CHST9: variants seen among roughly 807,000 people sequenced by gnomAD.
CHST9 encodes the protein GalNAc-4-sulfotransferase 2.
CHST9 carries 41 observed loss-of-function variants against 44.4 expected under a neutral mutation model. The ratio of observed to expected loss-of-function variants is 0.92; its 90% CI spans 0.72 to 1.20. CHST9 has a LOEUF of 1.20. Among genes scored for constraint, CHST9 ranks in the 50% most tolerant of loss-of-function variants. CHST9 has a pLI of 0.00. For synonymous variants in CHST9, 171 were observed against 178.4 expected, an observed-to-expected ratio of 0.96 and a Z score of 0.33; for missense variants, 504 against 516.5, an observed-to-expected ratio of 0.98 and a Z score of 0.23.
At chr18:27,002,199 A>C (rs1051044060) in intron 4 of CHST9, among the ~76,000 whole-genome samples, 2 of 151,732 alleles carry the variant, frequency 1.3e-5, no homozygotes, top group Non-Finnish European at 2.9e-5. Flanking sequence ...AAACTGCAGA[A>C]TCCTACCTGG....
intron 2 of CHST9, among the ~76,000 whole-genome samples, chr18:27,068,446 CA>C (rs1247513400): frequency 6.6e-6 from 1 of 152,056 alleles, no homozygotes; most frequent in East Asian, 1.9e-4. Context: ...GATCTCCCTT[CA>C]AATAATTCAT....
chr18:26,908,754 TAGAA>T lies in CHST9; in HGVS notation c.*7501_*7504del, dbSNP rs2055402166. On this transcript the variant is annotated 3_prime_UTR_variant, in exon 6 of 6. Transcript: ENST00000618847. ...GGCAATGTCATATGGTTCAACCTAATAGAAAGGCAAAAAGAGACAAATCCTTTAA... is the reference window on the plus strand; with the variant it reads ...GGCAATGTCATATGGTTCAACCTAATAGGCAAAAAGAGACAAATCCTTTAA... 6.6e-6 allele frequency: 1 copy of T among 152,142 alleles called. No homozygotes were observed. The highest frequency in any genetic ancestry group is 2.4e-5 in the African/African-American group (1 of 41,448). The allele number at this position is 152,142 out of a possible 1,614,324, so 9.4% of individuals were successfully genotyped here. A position where few individuals can be genotyped will look rare whatever the true frequency, so the allele number is the denominator to read the frequency against.
At chr18:26,950,633 A>G (rs1266303193) in intron 4 of CHST9, among the ~76,000 whole-genome samples, 2 of 152,210 alleles carry the variant, frequency 1.3e-5, no homozygotes, top group Non-Finnish European at 2.9e-5. Context: ...AGAAAACCAA[A>G]TATCACATGT....
In CHST9 at chr18:27,096,493, G is replaced by A. The variant is rs2058118093; in HGVS notation, c.121+46196C>T. On this transcript the variant is annotated intron_variant, in intron 2 of 5. Transcript: ENST00000618847. Reference sequence around the variant, plus strand: ...ACACAAAGAATCAATGAAACCAAAAGTTGGTTCTCTGAAAGGATAAGCAAG... The same window carrying A: ...ACACAAAGAATCAATGAAACCAAAAATTGGTTCTCTGAAAGGATAAGCAAG... Among the ~76,000 whole-genome samples the A allele has an allele frequency of 2.0e-5, 3 of 152,084 alleles. No homozygotes were observed. In the South Asian group the frequency reaches 6.2e-4, roughly 32 times the overall value.
chr18:27,184,540 C>G (rs963244269), intron 1 of CHST9, among the ~76,000 whole-genome samples: 3 of 152,046 alleles, frequency 2.0e-5, no homozygotes, highest in Non-Finnish European at 4.4e-5. Flanking sequence ...GCTCTGGCCA[C>G]GATCGCACCT....
chr18:27,141,169 T>C (rs768132141), intron 2 of CHST9, among the ~76,000 whole-genome samples: 9 of 152,002 alleles, frequency 5.9e-5, no homozygotes, highest in Non-Finnish European at 1.3e-4. Context: ...CCATCCTGGC[T>C]AATATGGTGA....
chr18:27,137,240 C>T (rs908975280), intron 2 of CHST9, among the ~76,000 whole-genome samples: 15 of 150,128 alleles, frequency 1.0e-4, no homozygotes, highest in African/African-American at 1.5e-4. Flanking sequence ...TATATTGACT[C>T]ATAATTGATT....
chr18:27,043,784 C>T (rs1187037428), intron 3 of CHST9, among the ~76,000 whole-genome samples: 2 of 151,998 alleles, frequency 1.3e-5, no homozygotes, highest in Non-Finnish European at 2.9e-5. Context: ...ATTCCTTGTA[C>T]TTCATTAGCT....
At chr18:27,155,867 G>C (rs2058695004) in intron 1 of CHST9, among the ~76,000 whole-genome samples, 1 of 152,008 alleles carries the variant, frequency 6.6e-6, no homozygotes, top group South Asian at 2.1e-4. Flanking sequence ...TAAAAATGGT[G>C]GCTAAACTTG....
chr18:26,955,224 G>GTTTT (rs10573820), intron 4 of CHST9, among the ~76,000 whole-genome samples: 3 of 138,444 alleles, frequency 2.2e-5, no homozygotes, highest in African/African-American at 2.7e-5. Flanking sequence ...CCAGAATTCT[G>GTTTT]TTTTTTTTTT....
chr18:26,923,967 G>C (rs571063901), intron 5 of CHST9, among the ~76,000 whole-genome samples: 1 of 152,288 alleles, frequency 6.6e-6, no homozygotes, highest in South Asian at 2.1e-4. Flanking sequence ...GTCTGCTTGG[G>C]GGCCAGACTC....
intron 2 of CHST9, among the ~76,000 whole-genome samples, chr18:27,053,887 T>G (rs939752662): frequency 6.6e-6 from 1 of 152,174 alleles, no homozygotes. Flanking sequence ...GTGAAGTCTT[T>G]TCTTTTGTGC....
At chr18:27,175,719 A>G (rs2058863164) in intron 1 of CHST9, among the ~76,000 whole-genome samples, 1 of 152,008 alleles carries the variant, frequency 6.6e-6, no homozygotes, top group Non-Finnish European at 1.5e-5. Context: ...AGAGATGTTC[A>G]CTCAACATTT....
At chr18:27,016,684 G>T (rs1484774051) in intron 4 of CHST9, among the ~76,000 whole-genome samples, 1 of 152,130 alleles carries the variant, frequency 6.6e-6, no homozygotes, top group Non-Finnish European at 1.5e-5. Context: ...TCTAGGTTGT[G>T]TTAGAACATT....
In CHST9 at chr18:27,078,085, T is replaced by G. The variant is rs115803012; in HGVS notation, c.122-29582A>C. The stretch of plus-strand genomic sequence containing the variant: ...CATGGTCCAATCACCTCCCACCAGG[T>G]CCCTCCTCCAACACTGAGAATTACA... On this transcript the variant is annotated intron_variant, in intron 2 of 5. Transcript: ENST00000618847. Among the ~76,000 whole-genome samples the G allele has an allele frequency of 9.5e-3, 1,439 of 152,142 alleles. 19 individuals are homozygous for G. The highest frequency in any genetic ancestry group is 0.033 in the African/African-American group (1,380 of 41,474).
chr18:27,169,137 C>T (rs143344612), intron 1 of CHST9, among the ~76,000 whole-genome samples: 91 of 152,288 alleles, frequency 6.0e-4, no homozygotes, highest in African/African-American at 2.1e-3. Context: ...TTGTGATATT[C>T]TCAGCAGAGA....
chr18:26,942,054 G>A (rs2056091021), intron 5 of CHST9, among the ~76,000 whole-genome samples: 1 of 149,216 alleles, frequency 6.7e-6, no homozygotes, highest in East Asian at 2.0e-4. Context: ...ATGCTCAGCA[G>A]CGCTCCATTT....
intron 2 of CHST9, among the ~76,000 whole-genome samples, chr18:27,103,619 G>A (rs2058194099): frequency 6.6e-6 from 1 of 152,182 alleles, no homozygotes; most frequent in Admixed American, 6.5e-5. Context: ...CCAAAACCAG[G>A]TTATCCTCTG....
intron 1 of CHST9, among the ~76,000 whole-genome samples, chr18:27,179,553 G>C (rs575499930): frequency 6.6e-6 from 1 of 152,072 alleles, no homozygotes; most frequent in South Asian, 2.1e-4. Flanking sequence ...AATTATTGGT[G>C]GTGGTAGTGG....
Sources: allele counts gnomAD v4.1 joint callset (sites outside exome capture counted in the v4.1 genomes callset), GRCh38; gene constraint gnomAD v4.1.1; transcripts MANE v1.5; gene names NCBI Gene and HGNC (gene_info 2026-07-23, HGNC 2026-07-21).